ZNF277: variants seen among roughly 807,000 people sequenced by gnomAD.
ZNF277 encodes nuclear receptor-interacting factor 4.
In ZNF277, 55 loss-of-function variants were observed where a neutral mutation model predicts 60.7. The ratio of observed to expected loss-of-function variants is 0.91; its 90% CI spans 0.73 to 1.13. The LOEUF (loss-of-function observed/expected upper bound fraction) is 1.13, where lower values mean the gene tolerates loss of function less well. Ranked by LOEUF, ZNF277 falls within the 50% of genes most tolerant of loss-of-function variation. The pLI, the probability that ZNF277 is intolerant of heterozygous loss-of-function variation, is 0.00. For synonymous variants in ZNF277, 178 were observed against 179.3 expected, an observed-to-expected ratio of 0.99 and a Z score of 0.06; for missense variants, 510 against 523.0, an observed-to-expected ratio of 0.98 and a Z score of 0.24.
chr7:112,215,808 T>C (rs1270250009), intron 1 of ZNF277, among the ~76,000 whole-genome samples: 1 of 152,226 alleles, frequency 6.6e-6, no homozygotes, highest in Non-Finnish European at 1.5e-5. Flanking sequence ...AGTGTTTTTA[T>C]CCAAATAGAG....
chr7:112,315,687 C>T (rs779458438), intron 4 of ZNF277, among the ~76,000 whole-genome samples: 6 of 152,090 alleles, frequency 3.9e-5, no homozygotes, highest in Non-Finnish European at 7.4e-5. Context: ...CAAAACTTAA[C>T]CAACTTCAAA....
intron 4 of ZNF277, among the ~76,000 whole-genome samples, chr7:112,314,852 A>G (rs746706130): frequency 6.6e-6 from 1 of 152,156 alleles, no homozygotes; most frequent in South Asian, 2.1e-4. Context: ...TGTGAATGCC[A>G]TGCTAAATAC....
intron 1 of ZNF277, among the ~76,000 whole-genome samples, chr7:112,260,005 G>T (rs1298651381): frequency 6.6e-6 from 1 of 152,180 alleles, no homozygotes; most frequent in East Asian, 1.9e-4. Flanking sequence ...AGTGGCTCAC[G>T]CCTGTAATCT....
At chr7:112,308,352 TA>T (rs1018293335) in intron 4 of ZNF277, among the ~76,000 whole-genome samples, 1 of 151,222 alleles carries the variant, frequency 6.6e-6, no homozygotes, top group Non-Finnish European at 1.5e-5. Context: ...CCTTCTCTAC[TA>T]AAAAAAATAA....
intron 6 of ZNF277, 129 bp from the exon 7 acceptor site, chr7:112,329,954 AG>A: frequency 9.8e-7 from 1 of 1,023,636 alleles, no homozygotes; most frequent in South Asian, 1.8e-5. Flanking sequence ...GATTCTGACA[AG>A]GATGGTATAT....
chr7:112,265,116 C>T (rs898650691), intron 1 of ZNF277, among the ~76,000 whole-genome samples: 4 of 152,156 alleles, frequency 2.6e-5, no homozygotes, highest in African/African-American at 9.7e-5. Flanking sequence ...GCACTTTCAG[C>T]CCCCTTCAAC....
At chr7:112,310,542 T>G (rs1401599155) in intron 4 of ZNF277, among the ~76,000 whole-genome samples, 1 of 151,570 alleles carries the variant, frequency 6.6e-6, no homozygotes, top group Admixed American at 6.6e-5. Context: ...ACTTTTTTCT[T>G]TCTTCTTTTA....
chr7:112,311,422 C>A (rs1345462512), intron 4 of ZNF277, among the ~76,000 whole-genome samples: 1 of 152,098 alleles, frequency 6.6e-6, no homozygotes, highest in Non-Finnish European at 1.5e-5. Flanking sequence ...TTATCAGCTT[C>A]TTTGAGAGGC....
At chr7:112,220,932 T>C (rs2116961330) in intron 1 of ZNF277, among the ~76,000 whole-genome samples, 2 of 152,288 alleles carry the variant, frequency 1.3e-5, no homozygotes, top group Admixed American at 1.3e-4. Context: ...CCTCCCTTTG[T>C]ATGGGAGCTC....
intron 2 of ZNF277, among the ~76,000 whole-genome samples, chr7:112,293,811 G>A (rs921501027): frequency 2.0e-5 from 3 of 152,114 alleles, no homozygotes; most frequent in African/African-American, 7.2e-5. Context: ...TCTCCGTTTT[G>A]TCTAGAGGAT....
At chr7:112,342,169 T>C (rs1793456784) in intron 11 of ZNF277, among the ~76,000 whole-genome samples, 1 of 152,170 alleles carries the variant, frequency 6.6e-6, no homozygotes, top group African/African-American at 2.4e-5. Flanking sequence ...ATGAGAAAGA[T>C]GTCATTTTTA....
chr7:112,236,799 C>T (rs1317922374), intron 1 of ZNF277, among the ~76,000 whole-genome samples: 1 of 152,006 alleles, frequency 6.6e-6, no homozygotes, highest in Admixed American at 6.6e-5. Context: ...TTCGACACAC[C>T]ACTGACAACA....
intron 4 of ZNF277, among the ~76,000 whole-genome samples, chr7:112,309,982 C>T (rs1187700699): frequency 6.6e-6 from 1 of 152,108 alleles, no homozygotes; most frequent in Non-Finnish European, 1.5e-5. Context: ...ATGCATTGTT[C>T]TCCTGGCACA....
chr7:112,338,193 A>C (rs1469694512), intron 9 of ZNF277, among the ~76,000 whole-genome samples: 1 of 152,162 alleles, frequency 6.6e-6, no homozygotes, highest in Non-Finnish European at 1.5e-5. Context: ...GTCCCGGAGG[A>C]ATAGGGAAAA....
chr7:112,319,680 TAAATTATATA>T (rs1244037227), intron 5 of ZNF277, among the ~76,000 whole-genome samples: 2 of 147,472 alleles, frequency 1.4e-5, no homozygotes, highest in East Asian at 3.9e-4. Context: ...ATATATTATA[TAAATTATATA>T]AATTTATAAA....
chr7:112,230,072 A>G (rs1327552159), intron 1 of ZNF277, among the ~76,000 whole-genome samples: 1 of 139,332 alleles, frequency 7.2e-6, no homozygotes, highest in African/African-American at 2.5e-5. Flanking sequence ...AGTTTCTCCT[A>G]CATGATGAGG....
In ZNF277 at chr7:112,326,265, G is replaced by A. The variant is rs1028963181; in HGVS notation, c.558-1452G>A. On this transcript the variant is annotated intron_variant, in intron 5 of 11. Coordinates refer to ENST00000361822, the MANE Select transcript of ZNF277 (RefSeq NM_021994.3). The stretch of plus-strand genomic sequence containing the variant: ...TCTAGGCAGATGTTAACTATGGCTC[G>A]GCCACTCTAGGAGAACCTCCCTGAA... Among the ~76,000 whole-genome samples the A allele has an allele frequency of 4.6e-5, 7 of 151,948 alleles. No individual in the cohort carries two copies. The East Asian group carries it at 5.8e-4, about 13-fold the overall frequency.
intron 1 of ZNF277, among the ~76,000 whole-genome samples, chr7:112,235,801 T>C (rs1180126273): frequency 6.6e-6 from 1 of 152,028 alleles, no homozygotes; most frequent in Non-Finnish European, 1.5e-5. Context: ...CTATTTTTTT[T>C]TCCTTTAATC....
intron 5 of ZNF277, among the ~76,000 whole-genome samples, chr7:112,318,822 A>C (rs1204447145): frequency 6.6e-6 from 1 of 152,096 alleles, no homozygotes; most frequent in Non-Finnish European, 1.5e-5. Context: ...ATATGGTCCC[A>C]GGGCTACCCA....
Sources: allele counts gnomAD v4.1 joint callset (sites outside exome capture counted in the v4.1 genomes callset), GRCh38; gene constraint gnomAD v4.1.1; transcripts MANE v1.5; gene names NCBI Gene and HGNC (gene_info 2026-07-23, HGNC 2026-07-21).